Variants in RBM47 observed in about 807,000 individuals in gnomAD.
RBM47 encodes RNA binding motif protein 47.
A neutral mutation model predicts 47.1 loss-of-function variants in RBM47; 21 were observed. The observed-to-expected ratio is 0.45, with a 90% CI of 0.32 to 0.64. The LOEUF (loss-of-function observed/expected upper bound fraction) is 0.64, where lower values mean the gene tolerates loss of function less well. RBM47 is among the 30% of genes least tolerant of loss of function. RBM47 has a pLI of 0.05. For missense variants in RBM47, 708 were observed against 870.9 expected (o/e 0.81, Z 2.35); for synonymous variants, 375 against 361.7 (o/e 1.04, Z -0.42).
In RBM47 at chr4:40,436,514, T is replaced by C. The variant is rs758999841; in HGVS notation, c.1257A>G (p.Gln419=). ...TCGGCACCAGTTCATATCCTTTTTC[T>C]TGCTGCTTTCCTTTCCCTTCATGAT... ...SRYHEGKGKQ[Q]EKGYELVPNL... The change falls in exon 5 of 7, where the codon CAA becomes CAG. Residue 419 remains glutamine (Q), a synonymous_variant. Transcript: ENST00000295971. 1.2e-6 allele frequency: 2 copies of C among 1,614,214 alleles called. No homozygotes were observed. Among genetic ancestry groups the C allele is most frequent in the South Asian group, 2.2e-5 (2 of 91,084 alleles).
chr4:40,630,416 G>C (rs1282464709), upstream of RBM47: 2 of 152,098 alleles, frequency 1.3e-5, no homozygotes. Flanking sequence ...TGCGACCCCC[G>C]CGTGCCCGGG....
intron 4 of RBM47, chr4:40,436,943 C>CAAAA: frequency 2.6e-6 from 1 of 390,864 alleles, no homozygotes; most frequent in Non-Finnish European, 4.9e-6. Context: ...TCCCCCCCGC[C>CAAAA]AAAAAAAAAA....
intron 1 of RBM47, among the ~76,000 whole-genome samples, chr4:40,558,982 A>G (rs969656240): frequency 7.2e-5 from 11 of 152,194 alleles, no homozygotes; most frequent in African/African-American, 2.7e-4. Context: ...TGACAGAGTG[A>G]GACTCCGTCT....
intron 1 of RBM47, among the ~76,000 whole-genome samples, chr4:40,546,483 G>T (rs1169699535): frequency 6.6e-6 from 1 of 152,114 alleles, no homozygotes; most frequent in Non-Finnish European, 1.5e-5. Context: ...TTATACTACT[G>T]TTCCACCAAG....
chr4:40,453,432 A>T (rs1473046748), intron 3 of RBM47, among the ~76,000 whole-genome samples: 14 of 152,218 alleles, frequency 9.2e-5, no homozygotes, highest in Admixed American at 9.2e-4. Context: ...TTCTTGTTTA[A>T]TTATATTTAG....
At chr4:40,436,697 G>T in intron 4 of RBM47, 50 bp from the exon 5 acceptor site, 1 of 1,582,918 alleles carries the variant, frequency 6.3e-7, no homozygotes, top group Non-Finnish European at 8.7e-7. Context: ...TGACGGTGCT[G>T]GAGGCAGACC....
At chr4:40,444,434 A>C (rs1714184773) in intron 3 of RBM47, among the ~76,000 whole-genome samples, 1 of 151,956 alleles carries the variant, frequency 6.6e-6, no homozygotes, top group Admixed American at 6.6e-5. Flanking sequence ...AAAAAAAAAA[A>C]AAGAAAAGAT....
chr4:40,438,499 T>C lies in RBM47; in HGVS notation c.395A>G (p.Asn132Ser), dbSNP rs772967013. The C allele has an allele frequency of 1.2e-5, 19 of 1,613,502 alleles. No individual in the cohort carries two copies. The highest frequency in any genetic ancestry group is 1.6e-5 in the Non-Finnish European group (19 of 1,179,916). Residue 132 changes from asparagine to serine, a missense_variant, in exon 4 of 7, where the codon AAC (asparagine) becomes AGC (serine). Physicochemically the swap from Asn to Ser is conservative, Grantham distance 46. Coordinates refer to ENST00000295971, the MANE Select transcript of RBM47 (RefSeq NM_001098634.2). ...GCGGCCCGGGCGGATCTCGTAGTTG[T>C]TGAGCTCACGCACTGCGCGCTTGGC... ...HEAKRAVREL[N>S]NYEIRPGRLL...
chr4:40,554,405 C>CAAAAAAAA (rs59793972), intron 1 of RBM47, among the ~76,000 whole-genome samples: 2 of 91,040 alleles, frequency 2.2e-5, no homozygotes, highest in Non-Finnish European at 2.5e-5. Context: ...AAGCAAACCT[C>CAAAAAAAA]AAAAAAAAAA....
At position 40,505,800 on chromosome 4, in the gene RBM47, G is replaced by A. The variant is rs186911067; in HGVS notation, c.-155+38622C>T. ...CCAGCTACTCAGAAGGCTGAGACAC[G>A]AGAATCACTTGAACCCAGGAAGCAG... On this transcript the variant is annotated intron_variant, in intron 2 of 6. Coordinates refer to ENST00000295971, the MANE Select transcript of RBM47 (RefSeq NM_001098634.2). 1.1e-4 allele frequency among the ~76,000 whole-genome samples: 16 copies of A among 151,950 alleles called. No individual in the cohort carries two copies. In the East Asian group the frequency reaches 1.4e-3, roughly 13 times the overall value.
At chr4:40,429,509 C>CA (rs1007670802) in intron 6 of RBM47, among the ~76,000 whole-genome samples, 5 of 151,748 alleles carry the variant, frequency 3.3e-5, no homozygotes, top group African/African-American at 1.2e-4. Flanking sequence ...TGCATTAATA[C>CA]AGCATCATCA....
intron 2 of RBM47, among the ~76,000 whole-genome samples, chr4:40,495,915 A>G (rs537992269): frequency 1.3e-5 from 2 of 152,280 alleles, no homozygotes; most frequent in South Asian, 2.1e-4. Flanking sequence ...TTCACTGATT[A>G]TAGCTGATTG....
At chr4:40,456,571 CT>C (rs34320480) in intron 3 of RBM47, among the ~76,000 whole-genome samples, 42 of 112,564 alleles carry the variant, frequency 3.7e-4, no homozygotes, top group East Asian at 1.5e-3. Context: ...TTTCTTTTTT[CT>C]TTTTTTTTTT....
intron 1 of RBM47, among the ~76,000 whole-genome samples, chr4:40,602,854 A>C (rs1735410009): frequency 6.6e-6 from 1 of 152,028 alleles, no homozygotes; most frequent in African/African-American, 2.4e-5. Context: ...TAAACTTTTC[A>C]CTGAAGTATC....
At chr4:40,474,393 C>T (rs1357243379) in intron 2 of RBM47, among the ~76,000 whole-genome samples, 2 of 151,930 alleles carry the variant, frequency 1.3e-5, no homozygotes. Context: ...GAGTAAAAGA[C>T]ACAAATAACG....
At chr4:40,447,740 G>A (rs1335728849) in intron 3 of RBM47, among the ~76,000 whole-genome samples, 1 of 151,206 alleles carries the variant, frequency 6.6e-6, no homozygotes, top group Admixed American at 6.6e-5. Context: ...GCCAGGCGCA[G>A]TGGCTCACGC....
chr4:40,587,554 C>T (rs1424046660), intron 1 of RBM47, among the ~76,000 whole-genome samples: 1 of 152,164 alleles, frequency 6.6e-6, no homozygotes, highest in East Asian at 1.9e-4. Flanking sequence ...ACCCTTTTCC[C>T]CTTGGGGCAT....
At chr4:40,455,596 C>T (rs934865827) in intron 3 of RBM47, 3 of 152,242 alleles carry the variant, frequency 2.0e-5, no homozygotes, top group African/African-American at 7.2e-5. Flanking sequence ...GACCCTGTCT[C>T]TACAAAAAAT....
chr4:40,580,434 G>C (rs533453025), intron 1 of RBM47, among the ~76,000 whole-genome samples: 8 of 150,978 alleles, frequency 5.3e-5, no homozygotes, highest in African/African-American at 1.7e-4. Context: ...TCAGTTCTCA[G>C]ATCATTGTGG....
Sources: allele counts gnomAD v4.1 joint callset (sites outside exome capture counted in the v4.1 genomes callset), GRCh38; gene constraint gnomAD v4.1.1; transcripts MANE v1.5; gene names NCBI Gene and HGNC (gene_info 2026-07-23, HGNC 2026-07-21).